Variants in GSK3B observed in about 807,000 individuals in gnomAD.
The protein encoded by GSK3B is glycogen synthase kinase-3 beta.
A neutral mutation model predicts 56.4 loss-of-function variants in GSK3B; 15 were observed. That is an observed-to-expected ratio of 0.27 (90% CI 0.18 to 0.41). The LOEUF is 0.41. Among genes scored for constraint, GSK3B ranks in the 10% least tolerant of loss-of-function variants. GSK3B has a pLI of 1.00. For missense variants in GSK3B, 300 were observed against 513.4 expected, an observed-to-expected ratio of 0.58 and a Z score of 4.02; for synonymous variants, 181 against 188.9, an observed-to-expected ratio of 0.96 and a Z score of 0.34.
chr3:119,966,989 T>C (rs1453603855), intron 2 of GSK3B, among the ~76,000 whole-genome samples: 1 of 152,184 alleles, frequency 6.6e-6, no homozygotes, highest in African/African-American at 2.4e-5. Context: ...AAAGACAATC[T>C]ATAATCATGG....
At chr3:119,938,636 A>T (rs1014404057) in intron 3 of GSK3B, among the ~76,000 whole-genome samples, 1 of 152,292 alleles carries the variant, frequency 6.6e-6, no homozygotes, top group African/African-American at 2.4e-5. Flanking sequence ...TAGCTGCATT[A>T]TATCATATAC....
intron 1 of GSK3B, among the ~76,000 whole-genome samples, chr3:120,019,249 T>C (rs1238812827): frequency 2.6e-5 from 4 of 151,728 alleles, no homozygotes; most frequent in Admixed American, 1.3e-4. Flanking sequence ...TGATGTACCA[T>C]GTTATGAAAA....
chr3:119,952,862 C>T (rs1256323215), intron 2 of GSK3B, among the ~76,000 whole-genome samples: 1 of 151,484 alleles, frequency 6.6e-6, no homozygotes, highest in African/African-American at 2.4e-5. Context: ...GTACCTTGAG[C>T]TAAAAGAAAA....
intron 7 of GSK3B, among the ~76,000 whole-genome samples, chr3:119,888,532 CA>C (rs1559823803): frequency 5.9e-5 from 9 of 152,092 alleles, no homozygotes; most frequent in African/African-American, 1.9e-4. Context: ...GGATGTACGT[CA>C]CCTCAGGCCC....
intron 3 of GSK3B, among the ~76,000 whole-genome samples, chr3:119,943,516 A>G (rs2057070348): frequency 6.6e-6 from 1 of 152,228 alleles, no homozygotes; most frequent in African/African-American, 2.4e-5. Flanking sequence ...GTCAAAGGTC[A>G]GGACAGTAGT....
intron 2 of GSK3B, among the ~76,000 whole-genome samples, chr3:119,949,007 A>G (rs2057129251): frequency 6.6e-6 from 1 of 152,158 alleles, no homozygotes. Context: ...CAGCCTCTAT[A>G]CTTTGTTAAT....
At chr3:120,004,663 T>A (rs1020950799) in intron 1 of GSK3B, among the ~76,000 whole-genome samples, 1 of 152,090 alleles carries the variant, frequency 6.6e-6, no homozygotes, top group East Asian at 1.9e-4. Flanking sequence ...CAAACTCCAA[T>A]AGACCTGCAG....
intron 2 of GSK3B, among the ~76,000 whole-genome samples, chr3:119,992,118 C>T (rs2057571581): frequency 6.6e-6 from 1 of 151,790 alleles, no homozygotes; most frequent in Non-Finnish European, 1.5e-5. Context: ...TAAACTGATG[C>T]CAAAGTTCAT....
chr3:119,945,799 A>G (rs1000406948), intron 3 of GSK3B, among the ~76,000 whole-genome samples: 20 of 152,190 alleles, frequency 1.3e-4, no homozygotes, highest in Non-Finnish European at 2.2e-4. Context: ...AATCTATTGT[A>G]ATCCAGCAGT....
chr3:119,861,523 A>C (rs888462174), intron 9 of GSK3B, among the ~76,000 whole-genome samples: 1 of 151,722 alleles, frequency 6.6e-6, no homozygotes, highest in Admixed American at 6.6e-5. Context: ...AAAAAAAAAA[A>C]ACAAAACAAA....
rs182874104 is a variant in GSK3B at position 119,982,856 on chromosome 3, A to C, written c.282+19190T>G. Reference sequence around the variant, plus strand: ...CATCCAAATTCAGGAAATAGAGAGAACACCACAAAGATACTCCAAGAGAAG... The same window carrying C: ...CATCCAAATTCAGGAAATAGAGAGACCACCACAAAGATACTCCAAGAGAAG... On this transcript the variant is annotated intron_variant, in intron 2 of 10. Transcript: ENST00000264235. Among the ~76,000 whole-genome samples, 736 of 152,278 alleles carry C rather than the reference A, an allele frequency of 4.8e-3. 12 individuals are homozygous for C. The highest frequency in any genetic ancestry group is 2.6e-3 in the Non-Finnish European group (176 of 68,014).
At chr3:119,840,387 G>C (rs1344195433) in intron 10 of GSK3B, among the ~76,000 whole-genome samples, 1 of 152,014 alleles carries the variant, frequency 6.6e-6, no homozygotes, top group African/African-American at 2.4e-5. Context: ...ACCACGTCCG[G>C]CTAATTTTGT....
At chr3:120,027,129 C>T (rs1367699244) in intron 1 of GSK3B, among the ~76,000 whole-genome samples, 1 of 150,834 alleles carries the variant, frequency 6.6e-6, no homozygotes, top group Non-Finnish European at 1.5e-5. Context: ...GATCCCAGCA[C>T]TTTGGGAGGC....
Position 119,822,133 on chromosome 3 carries a change from G to A in GSK3B, c.*4655C>T, listed in dbSNP as rs949656129. 1.4e-4 allele frequency: 27 copies of A among 188,892 alleles called. No homozygotes were observed. Among genetic ancestry groups the A allele is most frequent in the Non-Finnish European group, 2.6e-4 (24 of 91,646 alleles). 11.7% of individuals were successfully genotyped at this position (188,892 alleles called of 1,614,324 possible). ...TATATTTAAAATGAAAAAAAAATCA[G>A]TCACAGAGGCATTCAAGTAGTAATA... On this transcript the variant is annotated 3_prime_UTR_variant, in exon 11 of 11. Transcript: ENST00000264235.
chr3:119,860,850 T>C (rs553945093), intron 9 of GSK3B, among the ~76,000 whole-genome samples: 38 of 152,308 alleles, frequency 2.5e-4, no homozygotes, highest in African/African-American at 9.1e-4. Flanking sequence ...CTATATGTAC[T>C]TTATTTTATT....
At chr3:120,019,628 A>G (rs1047050009) in intron 1 of GSK3B, among the ~76,000 whole-genome samples, 1 of 152,212 alleles carries the variant, frequency 6.6e-6, no homozygotes, top group East Asian at 1.9e-4. Flanking sequence ...AATCTTAACC[A>G]TAGCCGGTAA....
intron 1 of GSK3B, among the ~76,000 whole-genome samples, chr3:120,080,306 GA>G (rs2058407612): frequency 6.6e-6 from 1 of 151,566 alleles, no homozygotes; most frequent in Non-Finnish European, 1.5e-5. Flanking sequence ...AAGGTGGGAG[GA>G]GGGGGAGGGA....
At chr3:120,083,500 C>G (rs898961742) in intron 1 of GSK3B, among the ~76,000 whole-genome samples, 2 of 151,536 alleles carry the variant, frequency 1.3e-5, no homozygotes, top group Admixed American at 6.6e-5. Context: ...TTATTACAAA[C>G]AGTATTTAAA....
chr3:120,014,652 A>G (rs1431753025), intron 1 of GSK3B, among the ~76,000 whole-genome samples: 1 of 152,202 alleles, frequency 6.6e-6, no homozygotes, highest in Admixed American at 6.5e-5. Context: ...AATCTTTCTA[A>G]CAAGGTCTTT....
Sources: gnomAD v4.1 joint callset for allele counts (sites outside exome capture counted in the v4.1 genomes callset) on GRCh38, gnomAD v4.1.1 for gene constraint, MANE v1.5 for transcripts, NCBI Gene and HGNC (gene_info 2026-07-23, HGNC 2026-07-21) for gene names.